The following AFDN variants were observed in gnomAD, a reference collection of about 807,000 sequenced individuals.
AFDN encodes the protein afadin.
AFDN carries 68 observed loss-of-function variants against 216.6 expected under a neutral mutation model. The ratio of observed to expected loss-of-function variants is 0.31; its 90% CI spans 0.26 to 0.38. AFDN has a LOEUF of 0.38. Among genes scored for constraint, AFDN ranks in the 10% least tolerant of loss-of-function variants. The pLI is 1.00. For synonymous variants in AFDN, 868 were observed against 853.7 expected, an observed-to-expected ratio of 1.02 and a Z score of -0.29; for missense variants, 2,136 against 2,342.0, an observed-to-expected ratio of 0.91 and a Z score of 1.82.
Position 167,922,934 on chromosome 6 carries a change from A to G in AFDN, c.2987A>G (p.His996Arg), listed in dbSNP as rs1792015853. 2 of 1,612,718 alleles carry G rather than the reference A, an allele frequency of 1.2e-6. No homozygotes were observed. Among genetic ancestry groups the G allele is most frequent in the Non-Finnish European group, 1.7e-6 (2 of 1,179,200 alleles). Residue 996 changes from histidine to arginine, a missense_variant, in exon 22 of 34, where the codon CAC (histidine) becomes CGC (arginine). By Grantham distance (29) the His-to-Arg change is conservative. Transcript: ENST00000683244. ...TTTGAAGGTGCAGATTATGAAAGTC[A>G]CCTTCTGCGTGAGAACACAGAGCTG... The part of the protein sequence containing the change: ...IYFEGADYES[H>R]LLRENTELAQ...
intron 1 of AFDN, among the ~76,000 whole-genome samples, chr6:167,840,337 C>T (rs1305950767): frequency 2.0e-5 from 3 of 152,226 alleles, no homozygotes; most frequent in African/African-American, 7.2e-5. Context: ...CACTGTCCTC[C>T]TTGTAAGAGG....
chr6:167,957,621 C>A (rs770147589), intron 30 of AFDN, among the ~76,000 whole-genome samples: 2 of 152,248 alleles, frequency 1.3e-5, no homozygotes, highest in Non-Finnish European at 2.9e-5. Flanking sequence ...TCCTTTATAT[C>A]GCATGGGCAA....
chr6:167,950,894 A>G (rs939286489), intron 29 of AFDN, among the ~76,000 whole-genome samples: 7 of 145,924 alleles, frequency 4.8e-5, no homozygotes, highest in East Asian at 2.0e-4. Flanking sequence ...CGAGACAGAG[A>G]CTATGTTACC....
chr6:167,934,885 A>G (rs1793791520), intron 23 of AFDN, among the ~76,000 whole-genome samples: 2 of 152,196 alleles, frequency 1.3e-5, no homozygotes. Flanking sequence ...AGGTGCAGTA[A>G]AAGAATTAGA....
intron 2 of AFDN, among the ~76,000 whole-genome samples, chr6:167,867,530 C>T (rs1277532546): frequency 1.3e-5 from 2 of 151,206 alleles, no homozygotes; most frequent in Non-Finnish European, 3.0e-5. Flanking sequence ...CCCGGGTTCA[C>T]GCGATTCTCC....
At chr6:167,917,949 A>C (rs1470826288) in intron 20 of AFDN, among the ~76,000 whole-genome samples, 1 of 152,240 alleles carries the variant, frequency 6.6e-6, no homozygotes, top group East Asian at 1.9e-4. Flanking sequence ...GCCCTGTGCA[A>C]AGTGCATAGA....
Position 167,872,341 on chromosome 6 carries a change from C to G in AFDN, c.542C>G (p.Ser181Cys). The change falls in exon 4 of 34, where the codon TCT (serine) becomes TGT (cysteine). Residue 181 changes from serine (S) to cysteine (C), a missense_variant. This residue lies in a region of AFDN where 817 missense variants were observed against 965.7 expected (regional missense o/e 0.85). Coordinates refer to ENST00000683244, the MANE Select transcript of AFDN (RefSeq NM_001386888.1). The part of the protein sequence containing the change: ...KREKEALRQA[S>C]DKDDRPFQGE... The stretch of plus-strand genomic sequence containing the variant: ...GAAAAAGAGGCATTGCGACAGGCAT[C>G]TGATAAAGATGATAGACCTTTCCAA... 1 of 1,613,628 alleles carries G rather than the reference C, an allele frequency of 6.2e-7. No individual in the cohort carries two copies. The highest frequency in any genetic ancestry group is 2.2e-5 in the East Asian group (1 of 44,868).
At chr6:167,926,935 A>AT (rs530327377) in intron 23 of AFDN, among the ~76,000 whole-genome samples, 18 of 151,498 alleles carry the variant, frequency 1.2e-4, no homozygotes, top group Admixed American at 2.6e-4. Flanking sequence ...AATAAGAACA[A>AT]TTTTTTTTTA....
intron 1 of AFDN, among the ~76,000 whole-genome samples, chr6:167,833,472 G>A (rs960813264): frequency 5.3e-5 from 8 of 152,174 alleles, no homozygotes; most frequent in African/African-American, 1.9e-4. Flanking sequence ...TCTTGCTTGA[G>A]TTCATACATG....
chr6:167,951,062 A>G lies in AFDN; in HGVS notation c.3832-124A>G. ...CATTAGCCAATGAGCCTTGTAGGGCAGTCTCAGTCTCTTTCTGTACACTGA... is the reference window on the plus strand; with the variant it reads ...CATTAGCCAATGAGCCTTGTAGGGCGGTCTCAGTCTCTTTCTGTACACTGA... On this transcript the variant is annotated intron_variant, in intron 29 of 33. Transcript: ENST00000683244. The surrounding 1 kb of genome is among the most constrained non-coding windows in gnomAD (Gnocchi z 7.1). 7.4e-7 allele frequency: 1 copy of G among 1,342,704 alleles called. No homozygotes were observed. Among genetic ancestry groups the G allele is most frequent in the Non-Finnish European group, 9.8e-7 (1 of 1,020,018 alleles). The allele number at this position is 1,342,704 out of a possible 1,614,324, so 83.2% of individuals were successfully genotyped here.
chr6:167,904,793 C>A (rs938899092), intron 12 of AFDN, among the ~76,000 whole-genome samples: 1 of 152,172 alleles, frequency 6.6e-6, no homozygotes, highest in Non-Finnish European at 1.5e-5. Context: ...GAGGACCACA[C>A]GGCCCCAAGA....
chr6:167,957,621 C>T (rs770147589), intron 30 of AFDN, among the ~76,000 whole-genome samples: 2 of 152,132 alleles, frequency 1.3e-5, no homozygotes, highest in Non-Finnish European at 2.9e-5. Context: ...TCCTTTATAT[C>T]GCATGGGCAA....
chr6:167,826,798 G>C (rs1024144552), upstream of AFDN: 38 of 150,430 alleles, frequency 2.5e-4, no homozygotes, highest in Non-Finnish European at 5.0e-4. Flanking sequence ...TAGTGGAGCG[G>C]CCCGGAGGTG....
chr6:167,849,318 G>C (rs542335156), intron 1 of AFDN, among the ~76,000 whole-genome samples: 5 of 152,064 alleles, frequency 3.3e-5, no homozygotes, highest in Non-Finnish European at 4.4e-5. Context: ...AACTTGTGGG[G>C]GGGGAGAGAT....
intron 1 of AFDN, among the ~76,000 whole-genome samples, chr6:167,858,278 T>C (rs945171922): frequency 6.6e-6 from 1 of 152,310 alleles, no homozygotes; most frequent in East Asian, 1.9e-4. Context: ...AAGTAGATAA[T>C]GTTGGCAGTT....
intron 29 of AFDN, among the ~76,000 whole-genome samples, chr6:167,950,100 CTG>C (rs560814851): frequency 1.9e-4 from 29 of 152,282 alleles, no homozygotes; most frequent in Admixed American, 6.5e-4. Flanking sequence ...TAATGAGACT[CTG>C]TGTACTAAGT....
At chr6:167,963,127 G>C in intron 31 of AFDN, 1 of 1,067,352 alleles carries the variant, frequency 9.4e-7, no homozygotes, top group Non-Finnish European at 1.1e-6. Context: ...ATGTGTGTGT[G>C]TGTGTTTAAA....
In AFDN at chr6:167,970,429, G is replaced by A. The variant is rs1050021997; in HGVS notation, c.*494G>A. 1.0e-4 allele frequency: 22 copies of A among 220,602 alleles called. No individual in the cohort carries two copies. The highest frequency in any genetic ancestry group is 4.9e-4 in the African/African-American group (22 of 44,644). The allele number at this position is 220,602 out of a possible 1,614,324, so 13.7% of individuals were successfully genotyped here. ...ACCACACGCTCTTCTACCCGGGAAG[G>A]AACATATGACGACATGCTCCTCCCA... On this transcript the variant is annotated 3_prime_UTR_variant, in exon 34 of 34. Coordinates refer to ENST00000683244, the MANE Select transcript of AFDN (RefSeq NM_001386888.1).
intron 23 of AFDN, among the ~76,000 whole-genome samples, chr6:167,930,658 G>A (rs1024901277): frequency 1.3e-5 from 2 of 152,188 alleles, no homozygotes; most frequent in Non-Finnish European, 2.9e-5. Flanking sequence ...CCCAGACTGT[G>A]GAGATTTTCT....
Sources: gnomAD v4.1 joint callset for allele counts (sites outside exome capture counted in the v4.1 genomes callset) on GRCh38, gnomAD v4.1.1 for gene constraint, gnomAD v4.1.1 regional missense constraint, Gnocchi (gnomAD v3.1) non-coding constraint, MANE v1.5 for transcripts, NCBI Gene and HGNC (gene_info 2026-07-23, HGNC 2026-07-21) for gene names.